RNF182: variants seen among roughly 807,000 people sequenced by gnomAD.
RNF182 encodes the protein E3 ubiquitin-protein ligase RNF182.
In RNF182, 15 loss-of-function variants were observed where a neutral mutation model predicts 14.4. That is an observed-to-expected ratio of 1.04 (90% confidence interval 0.70 to 1.60). The LOEUF (loss-of-function observed/expected upper bound fraction) is 1.60, where lower values mean the gene tolerates loss of function less well. RNF182 is among the 40% of genes most tolerant of loss of function. The probability of loss-of-function intolerance (pLI) is 0.00; values close to 1 mark genes in which losing one functional copy is unlikely to be tolerated. For missense variants in RNF182, 268 were observed against 294.8 expected, an observed-to-expected ratio of 0.91 and a Z score of 0.67; for synonymous variants, 128 against 122.9, an observed-to-expected ratio of 1.04 and a Z score of -0.27.
At chr6:13,938,004 G>GTTTTTTTTTTTT (rs70989897) in intron 1 of RNF182, among the ~76,000 whole-genome samples, 1 of 79,598 alleles carries the variant, frequency 1.3e-5, no homozygotes, top group Non-Finnish European at 2.2e-5. Flanking sequence ...TTTTCTTACT[G>GTTTTTTTTTTTT]TTTTTTTTTT....
intron 1 of RNF182, among the ~76,000 whole-genome samples, chr6:13,972,427 A>G (rs2113647153): frequency 6.6e-6 from 1 of 152,340 alleles, no homozygotes; most frequent in Non-Finnish European, 1.5e-5. Flanking sequence ...TTGCATAAGT[A>G]ATGAGGAGCC....
intron 1 of RNF182, among the ~76,000 whole-genome samples, chr6:13,973,913 A>G (rs887745724): frequency 1.8e-4 from 27 of 152,188 alleles, no homozygotes; most frequent in African/African-American, 6.5e-4. Context: ...ATGGACTCAT[A>G]CAGTATTACT....
intron 1 of RNF182, among the ~76,000 whole-genome samples, chr6:13,945,313 T>C (rs1759410929): frequency 6.6e-6 from 1 of 152,220 alleles, no homozygotes; most frequent in South Asian, 2.1e-4. Flanking sequence ...CCCTCAGATG[T>C]TGTCATCACA....
chr6:13,971,703 C>A (rs1218618663), intron 1 of RNF182, among the ~76,000 whole-genome samples: 2 of 152,090 alleles, frequency 1.3e-5, no homozygotes, highest in Non-Finnish European at 2.9e-5. Flanking sequence ...TGCCTTTGAC[C>A]AAAATGCTGA....
intron 1 of RNF182, among the ~76,000 whole-genome samples, chr6:13,968,067 A>C (rs1332097783): frequency 8.0e-6 from 1 of 125,210 alleles, no homozygotes; most frequent in East Asian, 2.3e-4. Flanking sequence ...AATCATAACA[A>C]ACAAAAATAA....
At chr6:13,954,970 C>G (rs1759690834) in intron 1 of RNF182, among the ~76,000 whole-genome samples, 1 of 152,186 alleles carries the variant, frequency 6.6e-6, no homozygotes, top group African/African-American at 2.4e-5. Flanking sequence ...TTGTGTGAAG[C>G]CCCATCAGTG....
At chr6:13,967,418 T>G (rs970826361) in intron 1 of RNF182, among the ~76,000 whole-genome samples, 1 of 152,216 alleles carries the variant, frequency 6.6e-6, no homozygotes, top group African/African-American at 2.4e-5. Flanking sequence ...ATAGTTATAG[T>G]GAGACACTTA....
chr6:13,949,429 C>A, intron 1 of RNF182: 1 of 715,930 alleles, frequency 1.4e-6, no homozygotes, highest in South Asian at 1.5e-5. Flanking sequence ...AAGCTGTCAT[C>A]TATAGGTTTC....
chr6:13,940,691 A>T (rs573299585), intron 1 of RNF182, among the ~76,000 whole-genome samples: 1 of 152,170 alleles, frequency 6.6e-6, no homozygotes, highest in South Asian at 2.1e-4. Flanking sequence ...TACTTAGATT[A>T]TTGATTTTCA....
intron 1 of RNF182, among the ~76,000 whole-genome samples, chr6:13,930,315 C>T (rs1758934169): frequency 6.6e-6 from 1 of 152,144 alleles, no homozygotes; most frequent in Non-Finnish European, 1.5e-5. Flanking sequence ...TTTTGGTATC[C>T]TTGGGGGTCC....
chr6:13,945,854 T>A (rs187192888), intron 1 of RNF182, among the ~76,000 whole-genome samples: 4 of 152,214 alleles, frequency 2.6e-5, no homozygotes, highest in Admixed American at 6.5e-5. Context: ...CAAGAGAGGG[T>A]TCTTGGATCT....
intron 1 of RNF182, among the ~76,000 whole-genome samples, chr6:13,934,065 A>T (rs775126605): frequency 5.9e-5 from 9 of 152,168 alleles, no homozygotes; most frequent in Non-Finnish European, 1.2e-4. Flanking sequence ...CTTACCAAAA[A>T]AGTAATGTTG....
At chr6:13,949,503 A>G in intron 1 of RNF182, 2 of 559,816 alleles carry the variant, frequency 3.6e-6, no homozygotes, top group Admixed American at 2.9e-5. Flanking sequence ...TTACGGAAAA[A>G]GACACTTGCA....
chr6:13,947,763 A>G (rs189277165), intron 1 of RNF182, among the ~76,000 whole-genome samples: 344 of 152,296 alleles, frequency 2.3e-3, no homozygotes, highest in African/African-American at 7.2e-3. Flanking sequence ...GGCTCTATAA[A>G]TGAATTTTGA....
Position 13,936,166 on chromosome 6 carries a change from A to G in RNF182, c.-367+11143A>G, listed in dbSNP as rs1251457872. Among the ~76,000 whole-genome samples, 5 of 152,224 alleles carry G rather than the reference A, an allele frequency of 3.3e-5. No individual in the cohort carries two copies. The East Asian group carries it at 7.7e-4, about 23-fold the overall frequency. On this transcript the variant is annotated intron_variant, in intron 1 of 2. Transcript: ENST00000488300. The stretch of plus-strand genomic sequence containing the variant: ...ACCATTAGAAACTGCCCCTTGATCT[A>G]ATCACCTACCACCAGGCCCCGCCTC...
At chr6:13,931,867 T>C (rs1452726854) in intron 1 of RNF182, among the ~76,000 whole-genome samples, 1 of 152,120 alleles carries the variant, frequency 6.6e-6, no homozygotes, top group African/African-American at 2.4e-5. Flanking sequence ...GTAGGGCCTT[T>C]GGGAGGTGAT....
chr6:13,950,806 A>G (rs1312825289), intron 1 of RNF182, among the ~76,000 whole-genome samples: 2 of 148,766 alleles, frequency 1.3e-5, no homozygotes, highest in Non-Finnish European at 3.0e-5. Flanking sequence ...CTCCCCCTTT[A>G]TTTTTTTTGA....
At chr6:13,931,901 A>G (rs548113301) in intron 1 of RNF182, among the ~76,000 whole-genome samples, 1 of 152,308 alleles carries the variant, frequency 6.6e-6, no homozygotes, top group East Asian at 1.9e-4. Context: ...TGGAGCCCTC[A>G]TAAATAGTAT....
rs146832314 is a variant in RNF182, at chr6:13,977,640, C to T, written c.521C>T (p.Thr174Met). Reference sequence around the variant, plus strand: ...CACAACTGGACTGTGTGGAACTGCACGTCCCTGCTGTTTCAGACATCCATC... The same window carrying T: ...CACAACTGGACTGTGTGGAACTGCATGTCCCTGCTGTTTCAGACATCCATC... Reference protein sequence around the residue: ...VSHNWTVWNCTSLLFQTSIRV... With the variant: ...VSHNWTVWNCMSLLFQTSIRV... Residue 174 changes from threonine to methionine, a missense_variant, in exon 3 of 3, where the codon ACG (threonine) becomes ATG (methionine). By Grantham distance (81) the Thr-to-Met change is moderately conservative (BLOSUM62 -1). Coordinates refer to ENST00000488300, the MANE Select transcript of RNF182 (RefSeq NM_152737.4). 17 of 1,614,184 alleles carry T rather than the reference C, an allele frequency of 1.1e-5. No individual in the cohort carries two copies. The highest frequency in any genetic ancestry group is 1.7e-5 in the Admixed American group (1 of 60,028).
Sources: gnomAD v4.1 joint callset for allele counts (sites outside exome capture counted in the v4.1 genomes callset) on GRCh38, gnomAD v4.1.1 for gene constraint, MANE v1.5 for transcripts, NCBI Gene and HGNC (gene_info 2026-07-23, HGNC 2026-07-21) for gene names.